CTNNA2: variants seen among roughly 807,000 people sequenced by gnomAD.
CTNNA2 encodes the protein catenin alpha 2.
CTNNA2 carries 42 observed loss-of-function variants against 101.0 expected under a neutral mutation model. The ratio of observed to expected loss-of-function variants is 0.42; its 90% CI spans 0.32 to 0.54. CTNNA2 has a LOEUF of 0.54. CTNNA2 is among the 20% of genes least tolerant of loss of function. The pLI is 0.14. For synonymous variants in CTNNA2, 450 were observed against 456.4 expected (o/e 0.99, Z 0.18); for missense variants, 871 against 1,223.1 (o/e 0.71, Z 4.29).
intron 7 of CTNNA2, among the ~76,000 whole-genome samples, chr2:80,239,161 T>C (rs1558932027): frequency 1.3e-5 from 2 of 152,202 alleles, no homozygotes; most frequent in African/African-American, 2.4e-5. Context: ...TATTATGCTA[T>C]TTTTAAGACG....
intron 12 of CTNNA2, among the ~76,000 whole-genome samples, chr2:80,558,006 C>T (rs1693196556): frequency 6.6e-6 from 1 of 152,068 alleles, no homozygotes; most frequent in African/African-American, 2.4e-5. Context: ...TATTTTGATG[C>T]CCATATCCAA....
At chr2:79,892,484 T>C (rs1684378827) in intron 6 of CTNNA2, among the ~76,000 whole-genome samples, 1 of 152,182 alleles carries the variant, frequency 6.6e-6, no homozygotes, top group Admixed American at 6.6e-5. Context: ...CTGAAAACTT[T>C]CTTTTCCGTA....
chr2:79,650,399 T>C (rs1171314913), intron 1 of CTNNA2, among the ~76,000 whole-genome samples: 2 of 152,178 alleles, frequency 1.3e-5, no homozygotes, highest in African/African-American at 4.8e-5. Context: ...AGTTTGAAGA[T>C]GTCTTTCATA....
intron 2 of CTNNA2, among the ~76,000 whole-genome samples, chr2:79,266,340 T>C (rs1674986253): frequency 1.3e-5 from 2 of 152,278 alleles, no homozygotes; most frequent in African/African-American, 4.8e-5. Flanking sequence ...GAAGATCACT[T>C]TGAGGGACAT....
At chr2:79,487,009 G>T (rs1671164856) in intron 4 of CTNNA2, among the ~76,000 whole-genome samples, 1 of 152,204 alleles carries the variant, frequency 6.6e-6, no homozygotes, top group Non-Finnish European at 1.5e-5. Context: ...CTTCATAGAA[G>T]TTCTGCTCAA....
intron 4 of CTNNA2, among the ~76,000 whole-genome samples, chr2:79,457,441 T>C (rs1670837836): frequency 6.6e-6 from 1 of 152,154 alleles, no homozygotes; most frequent in South Asian, 2.1e-4. Flanking sequence ...AAATGAAATA[T>C]TGATTTTCAA....
intron 2 of CTNNA2, among the ~76,000 whole-genome samples, chr2:79,302,340 A>G (rs908650906): frequency 2.0e-5 from 3 of 151,822 alleles, no homozygotes; most frequent in African/African-American, 7.3e-5. Context: ...TGGAGTGGCC[A>G]TTTGCCTTTC....
At chr2:80,615,770 T>A (rs1449298684) in intron 17 of CTNNA2, among the ~76,000 whole-genome samples, 1 of 151,710 alleles carries the variant, frequency 6.6e-6, no homozygotes, top group African/African-American at 2.4e-5. Flanking sequence ...TGACTTTGAG[T>A]GCAGCCCTTA....
chr2:79,926,487 C>A (rs1017472247), intron 7 of CTNNA2, among the ~76,000 whole-genome samples: 1 of 151,952 alleles, frequency 6.6e-6, no homozygotes, highest in Non-Finnish European at 1.5e-5. Context: ...CTTTTCTTAT[C>A]CTGTAATGAA....
chr2:80,625,992 T>A (rs577343705), intron 18 of CTNNA2, among the ~76,000 whole-genome samples: 8 of 152,198 alleles, frequency 5.3e-5, no homozygotes, highest in South Asian at 2.1e-4. Context: ...CCCAAAAAGC[T>A]GAATGAATCA....
chr2:79,991,232 G>A (rs1266225520), intron 7 of CTNNA2, among the ~76,000 whole-genome samples: 1 of 151,980 alleles, frequency 6.6e-6, no homozygotes, highest in African/African-American at 2.4e-5. Flanking sequence ...CCAGCTCCTG[G>A]ATTCATTGAA....
At chr2:79,625,843 T>G (rs1679269799) in intron 1 of CTNNA2, among the ~76,000 whole-genome samples, 1 of 152,166 alleles carries the variant, frequency 6.6e-6, no homozygotes, top group African/African-American at 2.4e-5. Flanking sequence ...ATAGATAAAT[T>G]GAGAATAATG....
chr2:79,944,477 A>C (rs1187455750), intron 7 of CTNNA2, among the ~76,000 whole-genome samples: 1 of 152,198 alleles, frequency 6.6e-6, no homozygotes, highest in African/African-American at 2.4e-5. Flanking sequence ...CTTATACCTC[A>C]GTGAACTGTC....
chr2:79,582,142 T>A lies in CTNNA2; in HGVS notation c.-6+68935T>A, dbSNP rs73938729. 7.5e-3 allele frequency among the ~76,000 whole-genome samples: 1,148 copies of A among 152,366 alleles called. 15 individuals carry two copies. Among genetic ancestry groups the A allele is most frequent in the African/African-American group, 0.026 (1,091 of 41,590 alleles). ...TTGATTTGGGGGAATTTTTTAAACT[T>A]GGCAGAATGCCTCCGTGTGTAAAAT... On this transcript the variant is annotated intron_variant, in intron 1 of 18. Transcript: ENST00000402739.
intron 2 of CTNNA2, among the ~76,000 whole-genome samples, chr2:79,732,277 A>G (rs1245761385): frequency 6.6e-6 from 1 of 152,050 alleles, no homozygotes. Context: ...TTCCCAGGTC[A>G]TTGAAAAGTG....
At chr2:80,576,985 C>T (rs539906649) in intron 13 of CTNNA2, among the ~76,000 whole-genome samples, 1 of 151,952 alleles carries the variant, frequency 6.6e-6, no homozygotes, top group Non-Finnish European at 1.5e-5. Flanking sequence ...TCAAGGGTAG[C>T]ACATAGACAT....
intron 3 of CTNNA2, among the ~76,000 whole-genome samples, chr2:79,340,590 T>C (rs1450136045): frequency 6.6e-6 from 1 of 151,966 alleles, no homozygotes; most frequent in Non-Finnish European, 1.5e-5. Context: ...TCCCAGCACT[T>C]TGGGAGGCCA....
At chr2:79,898,123 G>A (rs1174236930) in intron 6 of CTNNA2, among the ~76,000 whole-genome samples, 1 of 151,718 alleles carries the variant, frequency 6.6e-6, no homozygotes, top group African/African-American at 2.4e-5. Context: ...TTATATATAT[G>A]GTTTCTTTTC....
intron 1 of CTNNA2, among the ~76,000 whole-genome samples, chr2:79,568,648 G>A: frequency 6.6e-6 from 1 of 151,664 alleles, no homozygotes; most frequent in Admixed American, 6.6e-5. Context: ...AGAACCTTCA[G>A]GTTTATAATT....
Sources: allele counts gnomAD v4.1 joint callset (sites outside exome capture counted in the v4.1 genomes callset), GRCh38; gene constraint gnomAD v4.1.1; transcripts MANE v1.5; gene names NCBI Gene and HGNC (gene_info 2026-07-23, HGNC 2026-07-21).